Variants in AKT3 observed in about 807,000 individuals in gnomAD.
AKT3 encodes AKT serine/threonine kinase 3.
A neutral mutation model predicts 65.3 loss-of-function variants in AKT3; 15 were observed. That is an observed-to-expected ratio of 0.23 (90% CI 0.15 to 0.35). The LOEUF is 0.35. Ranked by LOEUF, AKT3 falls within the 10% of genes least tolerant of loss-of-function variation. The pLI is 1.00. For missense variants in AKT3, 243 were observed against 576.5 expected, an observed-to-expected ratio of 0.42 and a Z score of 5.92; for synonymous variants, 206 against 183.8, an observed-to-expected ratio of 1.12 and a Z score of -0.98.
At chr1:243,664,064 A>G (rs1017729651) in intron 4 of AKT3, among the ~76,000 whole-genome samples, 1 of 152,172 alleles carries the variant, frequency 6.6e-6, no homozygotes, top group Admixed American at 6.5e-5. Flanking sequence ...ACAGCCACTT[A>G]CAACTAATTT....
chr1:243,516,282 C>T (rs1021311537), intron 12 of AKT3, among the ~76,000 whole-genome samples: 2 of 152,188 alleles, frequency 1.3e-5, no homozygotes, highest in African/African-American at 4.8e-5. Context: ...AATTTATTGG[C>T]ATAAAGTTAT....
At chr1:243,822,053 C>G (rs796695793) in intron 2 of AKT3, among the ~76,000 whole-genome samples, 21 of 152,120 alleles carry the variant, frequency 1.4e-4, no homozygotes, top group African/African-American at 5.1e-4. Context: ...TAAGCAAATG[C>G]AGGAAAACTG....
In AKT3 at chr1:243,501,059, G is replaced by C. The variant is rs532373474; in HGVS notation, c.*4190C>G. ...CAACCCCAGTGGTTTTGAGAGAAGA[G>C]CACATGTGAGAATGCCCTCAAATTT... On this transcript the variant is annotated 3_prime_UTR_variant, in exon 14 of 14. Transcript: ENST00000673466. 4.3e-6 allele frequency: 1 copy of C among 230,686 alleles called. No individual in the cohort carries two copies. The highest frequency in any genetic ancestry group is 2.2e-5 in the African/African-American group (1 of 45,266). The allele number at this position is 230,686 out of a possible 1,614,324, so 14.3% of individuals were successfully genotyped here. A position where few individuals can be genotyped will look rare whatever the true frequency, so the allele number is the denominator to read the frequency against.
intron 4 of AKT3, among the ~76,000 whole-genome samples, chr1:243,653,899 A>G (rs779380459): frequency 2.0e-5 from 3 of 151,984 alleles, no homozygotes; most frequent in Non-Finnish European, 2.9e-5. Context: ...ATCTTTTTCA[A>G]TCTATTTATT....
chr1:243,532,850 T>A (rs1265832805), intron 12 of AKT3, among the ~76,000 whole-genome samples: 1 of 152,202 alleles, frequency 6.6e-6, no homozygotes, highest in East Asian at 1.9e-4. Context: ...CTATTTGGAT[T>A]TTCAATTTAT....
At chr1:243,758,004 C>A (rs1393382593) in intron 2 of AKT3, among the ~76,000 whole-genome samples, 1 of 152,184 alleles carries the variant, frequency 6.6e-6, no homozygotes, top group African/African-American at 2.4e-5. Flanking sequence ...CTCAGGTGAT[C>A]CACCCGCCTC....
intron 5 of AKT3, among the ~76,000 whole-genome samples, chr1:243,643,351 C>T (rs1159385703): frequency 1.3e-5 from 2 of 152,268 alleles, no homozygotes; most frequent in Admixed American, 6.5e-5. Flanking sequence ...GAAGCTTATG[C>T]TAGTCTGTTA....
chr1:243,799,742 T>A (rs1367248968), intron 2 of AKT3, among the ~76,000 whole-genome samples: 1 of 152,240 alleles, frequency 6.6e-6, no homozygotes. Flanking sequence ...AGAGCTTTTT[T>A]GAAAGTCTGA....
chr1:243,608,855 C>T (rs1677646466), intron 8 of AKT3, among the ~76,000 whole-genome samples: 1 of 144,418 alleles, frequency 6.9e-6, no homozygotes, highest in Admixed American at 7.2e-5. Flanking sequence ...TGGGTTCAAG[C>T]AATTCTCCTG....
chr1:243,789,655 G>A (rs1691494183), intron 2 of AKT3, among the ~76,000 whole-genome samples: 1 of 152,080 alleles, frequency 6.6e-6, no homozygotes, highest in Admixed American at 6.5e-5. Flanking sequence ...GTTCTTAATG[G>A]CATCTAGAAT....
chr1:243,544,014 G>A (rs1672489214), intron 12 of AKT3, among the ~76,000 whole-genome samples: 2 of 151,944 alleles, frequency 1.3e-5, no homozygotes, highest in South Asian at 4.1e-4. Flanking sequence ...TAACAGAGAA[G>A]AACACTTGGC....
Position 243,517,548 on chromosome 1 carries a change from A to G in AKT3, c.1252-5122T>C, listed in dbSNP as rs564014437. Among the ~76,000 whole-genome samples, 4 of 152,288 alleles carry G rather than the reference A, an allele frequency of 2.6e-5. No individual in the cohort carries two copies. In the South Asian group the frequency reaches 8.3e-4, roughly 32 times the overall value. ...GAAATGACTCCCTTAATTATTATGA[A>G]ATGTTCCTCCTTATCTCCAGCAATA... is the stretch of plus-strand genomic sequence containing the variant. On this transcript the variant is annotated intron_variant, in intron 12 of 13. Coordinates refer to ENST00000673466, the MANE Select transcript of AKT3 (RefSeq NM_005465.7).
intron 10 of AKT3, among the ~76,000 whole-genome samples, chr1:243,553,311 A>G (rs569493660): frequency 1.8e-4 from 27 of 152,354 alleles, no homozygotes; most frequent in Non-Finnish European, 3.7e-4. Context: ...GACTTCAAGT[A>G]ACAACTCAGA....
intron 9 of AKT3, among the ~76,000 whole-genome samples, chr1:243,565,849 T>C (rs1422885990): frequency 7.2e-6 from 1 of 138,982 alleles, no homozygotes; most frequent in Non-Finnish European, 1.6e-5. Flanking sequence ...TATATGCCCT[T>C]TTATTAATTT....
At position 243,831,569 on chromosome 1, in the gene AKT3, T is replaced by C. The variant is rs182188278; in HGVS notation, c.46+11556A>G. ...AAAGGTAATGTGATTGATTATAAAA[T>C]GCGAACACAAACTAAAGAAAGTTTC... On this transcript the variant is annotated intron_variant, in intron 2 of 13. Coordinates refer to ENST00000673466, the MANE Select transcript of AKT3 (RefSeq NM_005465.7). Among the ~76,000 whole-genome samples, 465 of 152,220 alleles carry C rather than the reference T, an allele frequency of 3.1e-3. 5 individuals are homozygous for C. Among genetic ancestry groups the C allele is most frequent in the African/African-American group, 0.011 (441 of 41,534 alleles).
rs1317339584 is a variant in AKT3 at position 243,641,265 on chromosome 1, T to TAC, written c.430-3524_430-3523insGT. Among the ~76,000 whole-genome samples the TAC allele has an allele frequency of 4.1e-5, 6 of 147,712 alleles. No individual in the cohort carries two copies. The East Asian group carries it at 5.9e-4, about 15-fold the overall frequency. ...CCATATATATGTGTGTGTGTATATA[T>TAC]ATATATATACACACACACACACACG... is the stretch of plus-strand genomic sequence containing the variant. On this transcript the variant is annotated intron_variant, in intron 5 of 13. Coordinates refer to ENST00000673466, the MANE Select transcript of AKT3 (RefSeq NM_005465.7).
intron 2 of AKT3, among the ~76,000 whole-genome samples, chr1:243,768,639 A>T (rs1689977485): frequency 6.6e-6 from 1 of 152,134 alleles, no homozygotes; most frequent in African/African-American, 2.4e-5. Context: ...GTTCGATACT[A>T]ACCTGACCAA....
chr1:243,491,128 G>A (rs1666307326), intron 13 of AKT3, among the ~76,000 whole-genome samples: 1 of 152,184 alleles, frequency 6.6e-6, no homozygotes, highest in African/African-American at 2.4e-5. Flanking sequence ...GGAGAACGTG[G>A]GCTTTGCCTT....
At chr1:243,818,109 ACTTT>A (rs1228957899) in intron 2 of AKT3, 1 of 152,178 alleles carries the variant, frequency 6.6e-6, no homozygotes, top group African/African-American at 2.4e-5. Context: ...CACTCCCCTA[ACTTT>A]CTAGAAAGTC....
Sources: gnomAD v4.1 joint callset for allele counts (sites outside exome capture counted in the v4.1 genomes callset) on GRCh38, gnomAD v4.1.1 for gene constraint, MANE v1.5 for transcripts, NCBI Gene and HGNC (gene_info 2026-07-23, HGNC 2026-07-21) for gene names.